SUPT3H: variants seen among roughly 807,000 people sequenced by gnomAD.
The protein encoded by SUPT3H is transcription initiation protein SPT3 homolog.
In SUPT3H, 44 loss-of-function variants were observed where a neutral mutation model predicts 44.3. That is an observed-to-expected ratio of 0.99 (90% CI 0.78 to 1.28). The LOEUF is 1.28. Among genes scored for constraint, SUPT3H ranks in the 50% most tolerant of loss-of-function variants. The probability of loss-of-function intolerance (pLI) is 0.00; values close to 1 mark genes in which losing one functional copy is unlikely to be tolerated. For synonymous variants in SUPT3H, 124 were observed against 125.6 expected (o/e 0.99, Z 0.09); for missense variants, 380 against 387.1 (o/e 0.98, Z 0.15).
intron 2 of SUPT3H, among the ~76,000 whole-genome samples, chr6:45,297,668 C>A (rs1297798721): frequency 6.6e-6 from 1 of 152,148 alleles, no homozygotes; most frequent in African/African-American, 2.4e-5. Flanking sequence ...AAACTACACA[C>A]ACACAATGTT....
chr6:44,841,737 G>T (rs1401660932), intron 10 of SUPT3H, among the ~76,000 whole-genome samples: 3 of 152,184 alleles, frequency 2.0e-5, no homozygotes, highest in Non-Finnish European at 4.4e-5. Flanking sequence ...ATGTCCCATT[G>T]TAAGCATAAG....
chr6:44,879,790 CT>C (rs1272197951), intron 10 of SUPT3H, among the ~76,000 whole-genome samples: 2 of 152,182 alleles, frequency 1.3e-5, no homozygotes, highest in African/African-American at 2.4e-5. Context: ...CAAACAGGGT[CT>C]GGAGTGGACC....
chr6:44,908,215 T>C (rs1766427418), intron 10 of SUPT3H, among the ~76,000 whole-genome samples: 1 of 150,676 alleles, frequency 6.6e-6, no homozygotes, highest in Non-Finnish European at 1.5e-5. Context: ...GCAGTGGAGC[T>C]ATCTGAGCTC....
intron 3 of SUPT3H, among the ~76,000 whole-genome samples, chr6:45,063,456 G>A (rs977870488): frequency 2.4e-4 from 36 of 147,594 alleles, no homozygotes; most frequent in South Asian, 4.3e-4. Flanking sequence ...AAAGCTGGAC[G>A]GAGAATGACT....
At chr6:45,052,879 T>C (rs1248052232) in intron 3 of SUPT3H, among the ~76,000 whole-genome samples, 3 of 151,632 alleles carry the variant, frequency 2.0e-5, no homozygotes, top group Non-Finnish European at 4.4e-5. Context: ...ACATTTCAGA[T>C]AGAACAGGCA....
At chr6:45,082,100 T>C (rs568115440) in intron 3 of SUPT3H, among the ~76,000 whole-genome samples, 25 of 152,000 alleles carry the variant, frequency 1.6e-4, no homozygotes, top group Non-Finnish European at 4.4e-5. Flanking sequence ...CAGGAAGAAA[T>C]TGAAACTCTG....
At chr6:45,347,737 C>T (rs1421554472) in intron 2 of SUPT3H, among the ~76,000 whole-genome samples, 1 of 151,248 alleles carries the variant, frequency 6.6e-6, no homozygotes, top group Admixed American at 6.6e-5. Context: ...TTTTCTACAT[C>T]CAAAAAAGAA....
chr6:45,204,870 T>C (rs1188927483), intron 2 of SUPT3H, among the ~76,000 whole-genome samples: 1 of 152,148 alleles, frequency 6.6e-6, no homozygotes, highest in African/African-American at 2.4e-5. Flanking sequence ...AACCCATTTT[T>C]CTCATTCTCA....
chr6:44,831,745 CTG>C (rs1209394607), intron 10 of SUPT3H, among the ~76,000 whole-genome samples: 2 of 150,856 alleles, frequency 1.3e-5, no homozygotes, highest in Non-Finnish European at 3.0e-5. Context: ...TAGAGGGAGA[CTG>C]AGTCTTAGCT....
chr6:45,213,760 A>G (rs1584292470), intron 2 of SUPT3H, among the ~76,000 whole-genome samples: 1 of 152,186 alleles, frequency 6.6e-6, no homozygotes, highest in East Asian at 1.9e-4. Context: ...AATTTTTATA[A>G]GTTTTTAGTC....
At chr6:44,905,793 G>C (rs1488889917) in intron 10 of SUPT3H, among the ~76,000 whole-genome samples, 2 of 152,198 alleles carry the variant, frequency 1.3e-5, no homozygotes, top group Non-Finnish European at 2.9e-5. Context: ...AACAATGATA[G>C]ACTGGATTAA....
intron 10 of SUPT3H, among the ~76,000 whole-genome samples, chr6:44,896,209 A>G (rs908037612): frequency 6.6e-6 from 1 of 152,208 alleles, no homozygotes; most frequent in African/African-American, 2.4e-5. Flanking sequence ...GATGGAATTC[A>G]TAAGCCTTGA....
intron 3 of SUPT3H, among the ~76,000 whole-genome samples, chr6:45,088,398 C>A (rs1375786833): frequency 6.6e-6 from 1 of 151,932 alleles, no homozygotes; most frequent in African/African-American, 2.4e-5. Flanking sequence ...CTCCAAATGT[C>A]AAAAAATTTT....
At chr6:44,934,010 A>G (rs1186590469) in intron 9 of SUPT3H, among the ~76,000 whole-genome samples, 1 of 152,242 alleles carries the variant, frequency 6.6e-6, no homozygotes, top group African/African-American at 2.4e-5. Flanking sequence ...AAAGTATAGT[A>G]GGTAGCAGAT....
At chr6:44,830,757 A>G (rs1768516687) in intron 10 of SUPT3H, among the ~76,000 whole-genome samples, 1 of 151,934 alleles carries the variant, frequency 6.6e-6, no homozygotes, top group Non-Finnish European at 1.5e-5. Flanking sequence ...ATAACCGTCA[A>G]TCTTTTCAGA....
chr6:44,966,017 T>A (rs970183787), intron 6 of SUPT3H, among the ~76,000 whole-genome samples: 2 of 152,142 alleles, frequency 1.3e-5, no homozygotes, highest in African/African-American at 4.8e-5. Context: ...AGGATCAAAC[T>A]GTAATCCAAT....
chr6:45,190,845 T>C (rs929373025), intron 2 of SUPT3H, among the ~76,000 whole-genome samples: 1 of 152,042 alleles, frequency 6.6e-6, no homozygotes, highest in African/African-American at 2.4e-5. Context: ...GCTCAACATA[T>C]GTCATTATGT....
intron 5 of SUPT3H, among the ~76,000 whole-genome samples, chr6:45,011,615 TAC>T: frequency 6.6e-6 from 1 of 152,192 alleles, no homozygotes; most frequent in Non-Finnish European, 1.5e-5. Flanking sequence ...AATTTTTATA[TAC>T]ATAGTGTTTT....
At chr6:45,100,465 C>T (rs1304664460) in intron 3 of SUPT3H, among the ~76,000 whole-genome samples, 2 of 139,272 alleles carry the variant, frequency 1.4e-5, no homozygotes, top group Admixed American at 1.5e-4. Flanking sequence ...CCCAGCTACT[C>T]ATGAGGCTGA....
Sources: allele counts gnomAD v4.1 joint callset (sites outside exome capture counted in the v4.1 genomes callset), GRCh38; gene constraint gnomAD v4.1.1; transcripts MANE v1.5; gene names NCBI Gene and HGNC (gene_info 2026-07-23, HGNC 2026-07-21).